Variants in NEDD4L observed in about 807,000 individuals in gnomAD.
NEDD4L encodes the protein E3 ubiquitin-protein ligase NEDD4-like.
Under a neutral mutation model 148.9 loss-of-function variants are expected in NEDD4L, and 54 were observed. The observed-to-expected ratio is 0.36, with a 90% CI of 0.29 to 0.45. The LOEUF is 0.45. Ranked by LOEUF, NEDD4L falls within the 20% of genes least tolerant of loss-of-function variation. The pLI is 1.00. For missense variants in NEDD4L, 856 were observed against 1,233.8 expected, an observed-to-expected ratio of 0.69 and a Z score of 4.59; for synonymous variants, 433 against 440.7, an observed-to-expected ratio of 0.98 and a Z score of 0.22.
At chr18:58,380,952 G>A (rs781134734) in intron 24 of NEDD4L, among the ~76,000 whole-genome samples, 13 of 152,096 alleles carry the variant, frequency 8.5e-5, no homozygotes, top group African/African-American at 2.2e-4. Context: ...CTTTGTAGAC[G>A]TGCCATATAT....
chr18:58,360,004 A>G (rs562973111), intron 19 of NEDD4L: 1 of 152,342 alleles, frequency 6.6e-6, no homozygotes, highest in East Asian at 1.9e-4. Flanking sequence ...ATTTTCCCTC[A>G]GTGCTTTGGA....
At chr18:58,371,342 C>T (rs1004569287) in intron 23 of NEDD4L, among the ~76,000 whole-genome samples, 10 of 151,796 alleles carry the variant, frequency 6.6e-5, no homozygotes, top group Admixed American at 3.9e-4. Flanking sequence ...TGTGAGCCAC[C>T]GCACCCAGCA....
intron 16 of NEDD4L, among the ~76,000 whole-genome samples, chr18:58,345,892 C>T (rs529255885): frequency 2.6e-5 from 4 of 151,560 alleles, no homozygotes; most frequent in African/African-American, 9.7e-5. Flanking sequence ...CAGGCACATG[C>T]CACCACACCA....
chr18:58,240,863 G>A (rs1423192215), intron 2 of NEDD4L, among the ~76,000 whole-genome samples: 1 of 152,062 alleles, frequency 6.6e-6, no homozygotes, highest in Non-Finnish European at 1.5e-5. Context: ...TCACCCAGGT[G>A]CAGTGGTGCA....
rs147746205 is a variant in NEDD4L, at chr18:58,201,908, C to T, written c.122+36047C>T. 7.5e-3 allele frequency among the ~76,000 whole-genome samples: 1,137 copies of T among 152,294 alleles called. 15 individuals carry two copies. The highest frequency in any genetic ancestry group is 0.026 in the African/African-American group (1,086 of 41,548). Reference sequence around the variant, plus strand: ...TGTCTTTTTATAACTCTGTGCTATACGCTGACGGAAGTTCATTCAGTCAGT... The same window carrying T: ...TGTCTTTTTATAACTCTGTGCTATATGCTGACGGAAGTTCATTCAGTCAGT... On this transcript the variant is annotated intron_variant, in intron 2 of 30. Transcript: ENST00000400345.
chr18:58,069,283 C>T (rs2082756775), intron 1 of NEDD4L, among the ~76,000 whole-genome samples: 1 of 152,086 alleles, frequency 6.6e-6, no homozygotes, highest in African/African-American at 2.4e-5. Flanking sequence ...TGTGGGAGTG[C>T]AGTTGATAAA....
At chr18:58,220,194 C>A (rs768995441) in intron 2 of NEDD4L, among the ~76,000 whole-genome samples, 1 of 152,132 alleles carries the variant, frequency 6.6e-6, no homozygotes, top group Non-Finnish European at 1.5e-5. Context: ...ATGGGTGGAT[C>A]ACTTGAGGCC....
At chr18:58,239,939 C>CA (rs1454896130) in intron 2 of NEDD4L, among the ~76,000 whole-genome samples, 2 of 152,168 alleles carry the variant, frequency 1.3e-5, no homozygotes, top group African/African-American at 4.8e-5. Flanking sequence ...ATGAAAGAGA[C>CA]AATAATTGAA....
At chr18:58,063,041 T>G (rs1307488729) in intron 1 of NEDD4L, among the ~76,000 whole-genome samples, 6 of 26,768 alleles carry the variant, frequency 2.2e-4, no homozygotes, top group Admixed American at 4.2e-4. Flanking sequence ...TATTTGTTCT[T>G]TTTTTTTTTT....
At chr18:58,345,039 C>CTTG (rs1215070061) in intron 16 of NEDD4L, among the ~76,000 whole-genome samples, 1 of 152,242 alleles carries the variant, frequency 6.6e-6, no homozygotes, top group Non-Finnish European at 1.5e-5. Flanking sequence ...TTATTTATTG[C>CTTG]TTGCAACATT....
At chr18:58,287,201 G>T (rs1329965609) in intron 5 of NEDD4L, among the ~76,000 whole-genome samples, 1 of 151,160 alleles carries the variant, frequency 6.6e-6, no homozygotes, top group Non-Finnish European at 1.5e-5. Flanking sequence ...AGGTCCATAT[G>T]ATCAAAAAGG....
chr18:58,336,228 T>G (rs956605471), intron 13 of NEDD4L: 1 of 152,244 alleles, frequency 6.6e-6, no homozygotes, highest in Admixed American at 6.5e-5. Flanking sequence ...GTTTTCTACT[T>G]GATCCCTAAA....
intron 1 of NEDD4L, among the ~76,000 whole-genome samples, chr18:58,121,758 T>A (rs1383631615): frequency 6.6e-6 from 1 of 152,184 alleles, no homozygotes; most frequent in African/African-American, 2.4e-5. Flanking sequence ...TAATGTATTT[T>A]AAAATTATCC....
rs773223658 is a variant in NEDD4L, at chr18:58,383,271, A to G, written c.2378A>G (p.Asn793Ser). ...ACATATCAAGTGGATTTGAAGCCCA[A>G]TGGGTCAGAAATAATGGTCACAAAT... ...GQTYQVDLKP[N>S]GSEIMVTNEN... Residue 793 changes from asparagine to serine, a missense_variant, in exon 25 of 31, where the codon AAT becomes AGT. By Grantham distance (46) the Asn-to-Ser change is conservative. Coordinates refer to ENST00000400345, the MANE Select transcript of NEDD4L (RefSeq NM_001144967.3). 10 of 1,542,186 alleles carry G rather than the reference A, an allele frequency of 6.5e-6. No individual in the cohort carries two copies. Among genetic ancestry groups the G allele is most frequent in the Middle Eastern group, 1.7e-4 (1 of 5,882 alleles).
chr18:58,135,065 CT>C (rs35077870), intron 1 of NEDD4L, among the ~76,000 whole-genome samples: 15 of 148,224 alleles, frequency 1.0e-4, no homozygotes, highest in South Asian at 2.1e-4. Flanking sequence ...TTCACATTTT[CT>C]TTTTTTTTTT....
intron 2 of NEDD4L, among the ~76,000 whole-genome samples, chr18:58,188,558 T>C (rs914644144): frequency 1.3e-5 from 2 of 152,244 alleles, no homozygotes; most frequent in East Asian, 1.9e-4. Flanking sequence ...TCCTGGCCTG[T>C]ATTCCAGTGT....
chr18:58,138,135 C>G (rs2033064530), intron 1 of NEDD4L, among the ~76,000 whole-genome samples: 1 of 152,176 alleles, frequency 6.6e-6, no homozygotes, highest in Non-Finnish European at 1.5e-5. Flanking sequence ...CTCTCTTTTT[C>G]TGGGTTTCTG....
At chr18:58,105,573 A>G (rs1362112984) in intron 1 of NEDD4L, among the ~76,000 whole-genome samples, 1 of 152,060 alleles carries the variant, frequency 6.6e-6, no homozygotes, top group Non-Finnish European at 1.5e-5. Context: ...ATCATTGGTA[A>G]TGTTTTCTGG....
intron 30 of NEDD4L, among the ~76,000 whole-genome samples, chr18:58,392,134 T>A (rs2049914580): frequency 6.6e-6 from 1 of 152,232 alleles, no homozygotes; most frequent in Non-Finnish European, 1.5e-5. Flanking sequence ...GGGTCCCAGT[T>A]GTTTTCTGAA....
Sources: gnomAD v4.1 joint callset for allele counts (sites outside exome capture counted in the v4.1 genomes callset) on GRCh38, gnomAD v4.1.1 for gene constraint, MANE v1.5 for transcripts, NCBI Gene and HGNC (gene_info 2026-07-23, HGNC 2026-07-21) for gene names.